The following BRAF variants were observed in gnomAD, a reference collection of about 807,000 sequenced individuals.
BRAF encodes serine/threonine-protein kinase B-raf.
A neutral mutation model predicts 104.6 loss-of-function variants in BRAF; 16 were observed. The ratio of observed to expected loss-of-function variants is 0.15; its 90% CI spans 0.10 to 0.23. The LOEUF (loss-of-function observed/expected upper bound fraction) is 0.23, where lower values mean the gene tolerates loss of function less well. BRAF is among the 10% of genes least tolerant of loss of function. The pLI, the probability that BRAF is intolerant of heterozygous loss-of-function variation, is 1.00. For synonymous variants in BRAF, 310 were observed against 341.6 expected (o/e 0.91, Z 1.02); for missense variants, 541 against 937.3 (o/e 0.58, Z 5.52).
At chr7:140,835,147 A>G (rs1807190128) in intron 2 of BRAF, 1 of 380,304 alleles carries the variant, frequency 2.6e-6, no homozygotes. Flanking sequence ...AAAAAAGCAC[A>G]GTATTTCCAA....
At chr7:140,913,611 T>C (rs1817262668) in intron 1 of BRAF, among the ~76,000 whole-genome samples, 1 of 150,420 alleles carries the variant, frequency 6.6e-6, no homozygotes, top group Non-Finnish European at 1.5e-5. Context: ...GCCTCCAGAG[T>C]AGCTGGGATT....
At chr7:140,730,540 T>A (rs995628726) in intron 19 of BRAF, 125 bp downstream of exon 18, 1 of 152,130 alleles carries the variant, frequency 6.6e-6, no homozygotes, top group Non-Finnish European at 1.5e-5. Context: ...CTAATTTTTG[T>A]ATTTTTAGTA....
chr7:140,738,489 T>C (rs1365541992), intron 18 of BRAF, among the ~76,000 whole-genome samples: 1 of 152,178 alleles, frequency 6.6e-6, no homozygotes, highest in Non-Finnish European at 1.5e-5. Flanking sequence ...CACTTGAAAC[T>C]GTACTGATTC....
At position 140,721,544 on chromosome 7, in the gene BRAF, T is replaced by C; in HGVS notation, c.*4950A>G. ...CAAACATCTTACCAGTATTTTTAAT[T>C]TTACCAGAGCTAGCAACATGGACCA... On this transcript the variant is annotated 3_prime_UTR_variant, in exon 20 of 20. Transcript: ENST00000644969. The C allele has an allele frequency of 5.5e-6, 8 of 1,450,710 alleles. No homozygotes were observed. Among genetic ancestry groups the C allele is most frequent in the Non-Finnish European group, 7.2e-6 (8 of 1,105,884 alleles). The allele number at this position is 1,450,710 out of a possible 1,614,324, so 89.9% of individuals were successfully genotyped here.
At position 140,726,030 on chromosome 7, in the gene BRAF, G is replaced by C. The variant is rs1795579692; in HGVS notation, c.*464C>G. 1.9e-6 allele frequency: 2 copies of C among 1,070,894 alleles called. No homozygotes were observed. Among genetic ancestry groups the C allele is most frequent in the South Asian group, 4.5e-5 (1 of 22,272 alleles). The allele number at this position is 1,070,894 out of a possible 1,614,324, so 66.3% of individuals were successfully genotyped here. ...TAACTGGTGGTCACTAGGGGAAAGA[G>C]CTCCAAAACAAAATTCCAGAACAGG... is the stretch of plus-strand genomic sequence containing the variant. On this transcript the variant is annotated 3_prime_UTR_variant, in exon 20 of 20. Transcript: ENST00000644969.
At chr7:140,797,184 A>C (rs569046976) in intron 7 of BRAF, among the ~76,000 whole-genome samples, 1 of 152,300 alleles carries the variant, frequency 6.6e-6, no homozygotes, top group East Asian at 1.9e-4. Context: ...TAATTATAAT[A>C]CCCTTCAGCA....
intron 14 of BRAF, among the ~76,000 whole-genome samples, chr7:140,775,356 T>G (rs1326392304): frequency 1.3e-5 from 2 of 152,050 alleles, no homozygotes; most frequent in African/African-American, 4.8e-5. Flanking sequence ...ATTCTTTTTT[T>G]TTTTTTTTGA....
At chr7:140,887,964 C>T (rs560434261) in intron 1 of BRAF, among the ~76,000 whole-genome samples, 20 of 151,956 alleles carry the variant, frequency 1.3e-4, no homozygotes, top group Admixed American at 3.3e-4. Flanking sequence ...CTGCAACCTC[C>T]TGGGTTCAAG....
intron 18 of BRAF, among the ~76,000 whole-genome samples, chr7:140,737,610 T>A (rs1796545312): frequency 6.6e-6 from 1 of 152,234 alleles, no homozygotes; most frequent in South Asian, 2.1e-4. Flanking sequence ...AATGTTATTT[T>A]TCTATATAGA....
chr7:140,803,830 T>C (rs1199011318), intron 5 of BRAF, among the ~76,000 whole-genome samples: 2 of 152,190 alleles, frequency 1.3e-5, no homozygotes, highest in African/African-American at 4.8e-5. Context: ...TATCAAAATG[T>C]GAGTGGCTAC....
At chr7:140,919,686 G>A (rs1029374680) in intron 1 of BRAF, among the ~76,000 whole-genome samples, 11 of 152,068 alleles carry the variant, frequency 7.2e-5, no homozygotes, top group African/African-American at 2.7e-4. Context: ...GAACAAATGA[G>A]GCTATATTTT....
chr7:140,838,310 A>G (rs1013145142), intron 2 of BRAF, among the ~76,000 whole-genome samples: 5 of 152,182 alleles, frequency 3.3e-5, no homozygotes, highest in African/African-American at 4.8e-5. Context: ...TAATTTTGTG[A>G]GGATTAAATG....
intron 1 of BRAF, among the ~76,000 whole-genome samples, chr7:140,854,363 T>A (rs1365513193): frequency 1.3e-5 from 2 of 152,202 alleles, no homozygotes; most frequent in East Asian, 3.8e-4. Context: ...GTCTTAGTCA[T>A]AATAGGTATG....
In BRAF at chr7:140,724,754, A is replaced by G. The variant is rs1795508418; in HGVS notation, c.*1740T>C. ...CTTGATTTATTCTGGGTCTTGTTTA[A>G]TTTCTTTCAAGTCCTTGGCTATAGC... On this transcript the variant is annotated 3_prime_UTR_variant, in exon 20 of 20. Coordinates refer to ENST00000644969, the MANE Select transcript of BRAF (RefSeq NM_001374258.1). 1 of 1,033,974 alleles carries G rather than the reference A, an allele frequency of 9.7e-7. No individual in the cohort carries two copies. Among genetic ancestry groups the G allele is most frequent in the Admixed American group, 5.7e-5 (1 of 17,628 alleles). The allele number at this position is 1,033,974 out of a possible 1,614,324, so 64.0% of individuals were successfully genotyped here.
intron 14 of BRAF, chr7:140,757,999 A>G (rs945107305): frequency 2.0e-5 from 3 of 152,198 alleles, no homozygotes; most frequent in Admixed American, 2.0e-4. Flanking sequence ...CATTTGGCTA[A>G]TTTATCAACT....
intron 17 of BRAF, among the ~76,000 whole-genome samples, chr7:140,742,793 A>G (rs918074378): frequency 3.3e-5 from 5 of 152,066 alleles, no homozygotes; most frequent in Non-Finnish European, 5.9e-5. Flanking sequence ...GCAACCTACA[A>G]AATGGGAGAA....
At chr7:140,743,429 T>C (rs796669548) in intron 17 of BRAF, among the ~76,000 whole-genome samples, 19 of 152,268 alleles carry the variant, frequency 1.2e-4, no homozygotes, top group African/African-American at 4.6e-4. Flanking sequence ...TGTAGGGACA[T>C]GGATGAAACT....
chr7:140,731,202 A>G (rs1156529672), intron 19 of BRAF: 1 of 152,112 alleles, frequency 6.6e-6, no homozygotes. Flanking sequence ...TTTTCTGTAG[A>G]GACACCGTTT....
the BRAF span, among the ~76,000 whole-genome samples, chr7:140,713,574 G>T: frequency 3.3e-4 from 50 of 152,204 alleles, 1 homozygote; most frequent in East Asian, 3.1e-3. Context: ...CTGTAGCTCG[G>T]AGTAGTTTGA....
Sources: gnomAD v4.1 joint callset for allele counts (sites outside exome capture counted in the v4.1 genomes callset) on GRCh38, gnomAD v4.1.1 for gene constraint, MANE v1.5 for transcripts, NCBI Gene and HGNC (gene_info 2026-07-23, HGNC 2026-07-21) for gene names.